The following FCHSD2 variants were observed in gnomAD, a reference collection of about 807,000 sequenced individuals.
FCHSD2 encodes the protein FCH and double SH3 domains 2.
In FCHSD2, 38 loss-of-function variants were observed where a neutral mutation model predicts 108.1. That is an observed-to-expected ratio of 0.35 (90% confidence interval 0.27 to 0.46). The LOEUF (loss-of-function observed/expected upper bound fraction) is 0.46. Among genes scored for constraint, FCHSD2 ranks in the 20% least tolerant of loss-of-function variants. FCHSD2 has a pLI of 1.00. For synonymous variants in FCHSD2, 279 were observed against 314.7 expected (o/e 0.89, Z 1.20); for missense variants, 751 against 897.8 (o/e 0.84, Z 2.09).
chr11:73,093,163 T>C (rs562661192), intron 2 of FCHSD2, among the ~76,000 whole-genome samples: 2 of 152,308 alleles, frequency 1.3e-5, no homozygotes, highest in South Asian at 2.1e-4. Flanking sequence ...TCACACATCA[T>C]TGCAGAAGAA....
chr11:72,873,349 CTT>C (rs2135217319), intron 12 of FCHSD2, among the ~76,000 whole-genome samples: 1 of 151,524 alleles, frequency 6.6e-6, no homozygotes, highest in Non-Finnish European at 1.5e-5. Flanking sequence ...AAAAATGAAT[CTT>C]TTCATGTGCT....
chr11:73,081,279 C>T (rs1486670111), intron 3 of FCHSD2, among the ~76,000 whole-genome samples: 1 of 151,712 alleles, frequency 6.6e-6, no homozygotes, highest in African/African-American at 2.4e-5. Context: ...ACTAAAAATA[C>T]AAAAATTAGA....
chr11:72,966,167 CTT>C (rs1240037908), intron 8 of FCHSD2, among the ~76,000 whole-genome samples: 2 of 139,396 alleles, frequency 1.4e-5, no homozygotes, highest in Non-Finnish European at 1.5e-5. Context: ...TGAACTGAGC[CTT>C]TTTTTTTTTT....
At chr11:73,054,793 C>T (rs530323095) in intron 3 of FCHSD2, among the ~76,000 whole-genome samples, 29 of 152,098 alleles carry the variant, frequency 1.9e-4, no homozygotes, top group Non-Finnish European at 3.4e-4. Context: ...CCCCCCACCT[C>T]GGCCTCTAGA....
At chr11:72,998,554 T>C (rs1036909894) in intron 5 of FCHSD2, among the ~76,000 whole-genome samples, 4 of 151,854 alleles carry the variant, frequency 2.6e-5, no homozygotes, top group African/African-American at 9.7e-5. Context: ...AAAAAAAAGT[T>C]AATTTGGAAC....
chr11:73,130,858 G>C (rs1860979952), intron 2 of FCHSD2, among the ~76,000 whole-genome samples: 1 of 151,918 alleles, frequency 6.6e-6, no homozygotes, highest in Admixed American at 6.6e-5. Flanking sequence ...TATAAAATCA[G>C]GTAATCTTTT....
intron 3 of FCHSD2, among the ~76,000 whole-genome samples, chr11:73,047,677 C>T (rs1858800339): frequency 6.6e-6 from 1 of 152,130 alleles, no homozygotes. Flanking sequence ...GGATTAGAAC[C>T]CCCTTCTCTT....
At chr11:72,851,339 C>G (rs76229346) in intron 13 of FCHSD2, among the ~76,000 whole-genome samples, 2 of 152,272 alleles carry the variant, frequency 1.3e-5, no homozygotes, top group East Asian at 3.9e-4. Context: ...TACTGCAACA[C>G]TGCCTGTAGT....
chr11:73,032,799 G>A (rs756574192), intron 3 of FCHSD2, among the ~76,000 whole-genome samples: 1 of 152,116 alleles, frequency 6.6e-6, no homozygotes, highest in Non-Finnish European at 1.5e-5. Context: ...CTTCATACAA[G>A]CTGGCATGGA....
chr11:72,942,077 A>G (rs916218370), intron 8 of FCHSD2, among the ~76,000 whole-genome samples: 10 of 152,202 alleles, frequency 6.6e-5, no homozygotes, highest in East Asian at 3.8e-4. Context: ...GTGATCTCCA[A>G]TGTTGGAGGT....
intron 12 of FCHSD2, among the ~76,000 whole-genome samples, chr11:72,883,217 A>C (rs75187730): frequency 3.2e-4 from 49 of 152,338 alleles, no homozygotes; most frequent in African/African-American, 1.2e-3. Flanking sequence ...AAAAGCTTGA[A>C]CTATAACACT....
At chr11:72,852,044 T>C (rs987571980) in intron 13 of FCHSD2, among the ~76,000 whole-genome samples, 1 of 151,848 alleles carries the variant, frequency 6.6e-6, no homozygotes, top group Non-Finnish European at 1.5e-5. Context: ...ACCTGGCTAA[T>C]TTTTGTTTTT....
chr11:73,055,236 G>A (rs1366458169), intron 3 of FCHSD2, among the ~76,000 whole-genome samples: 1 of 152,012 alleles, frequency 6.6e-6, no homozygotes, highest in African/African-American at 2.4e-5. Flanking sequence ...TGGGGATTAT[G>A]GGAGCTACAA....
At chr11:73,121,168 TACACATACAC>T (rs1425060770) in intron 2 of FCHSD2, among the ~76,000 whole-genome samples, 1 of 150,246 alleles carries the variant, frequency 6.7e-6, no homozygotes, top group African/African-American at 2.5e-5. Context: ...CTTATACACA[TACACATACAC>T]ACACACACAC....
At chr11:73,076,848 C>T (rs754187988) in intron 3 of FCHSD2, among the ~76,000 whole-genome samples, 14 of 152,106 alleles carry the variant, frequency 9.2e-5, no homozygotes, top group African/African-American at 2.9e-4. Flanking sequence ...CAGTGCCTCA[C>T]GCCTGTAATC....
intron 5 of FCHSD2, among the ~76,000 whole-genome samples, chr11:72,997,899 C>T (rs1857550784): frequency 6.6e-6 from 1 of 152,138 alleles, no homozygotes; most frequent in Admixed American, 6.5e-5. Flanking sequence ...CGGGATTTCA[C>T]CATGTTGGCC....
chr11:72,839,270 A>C (rs1217474927), intron 19 of FCHSD2, among the ~76,000 whole-genome samples: 1 of 152,242 alleles, frequency 6.6e-6, no homozygotes, highest in African/African-American at 2.4e-5. Flanking sequence ...TAAGTTGTGA[A>C]GGGCCTTGTT....
At chr11:72,971,758 T>TG (rs762508171) in intron 8 of FCHSD2, among the ~76,000 whole-genome samples, 2 of 152,188 alleles carry the variant, frequency 1.3e-5, no homozygotes, top group Non-Finnish European at 1.5e-5. Context: ...TTTGGCCTTG[T>TG]GAAACCCTAA....
chr11:73,038,831 CT>C (rs1858561940), intron 3 of FCHSD2, among the ~76,000 whole-genome samples: 1 of 151,972 alleles, frequency 6.6e-6, no homozygotes, highest in Non-Finnish European at 1.5e-5. Context: ...ATGTATTCCC[CT>C]GATTCTAAAA....
Sources: gnomAD v4.1 joint callset for allele counts (sites outside exome capture counted in the v4.1 genomes callset) on GRCh38, gnomAD v4.1.1 for gene constraint, MANE v1.5 for transcripts, NCBI Gene and HGNC (gene_info 2026-07-23, HGNC 2026-07-21) for gene names.